The following PGS1 variants were observed in gnomAD, a reference collection of about 807,000 sequenced individuals.
PGS1 encodes phosphatidylglycerophosphate synthase 1, also known as CDP-diacylglycerol--glycerol-3-phosphate 3-phosphatidyltransferase, mitochondrial.
In PGS1, 44 loss-of-function variants were observed where a neutral mutation model predicts 58.3. The ratio of observed to expected loss-of-function variants is 0.75; its 90% CI spans 0.59 to 0.97. The LOEUF (loss-of-function observed/expected upper bound fraction) is 0.97. Ranked by LOEUF, PGS1 falls within the 50% of genes least tolerant of loss-of-function variation. The pLI is 0.00. For synonymous variants in PGS1, 330 were observed against 311.0 expected (o/e 1.06, Z -0.64); for missense variants, 684 against 731.1 (o/e 0.94, Z 0.74).
At chr17:78,422,521 C>T (rs1255191222) in intron 9 of PGS1, among the ~76,000 whole-genome samples, 1 of 151,170 alleles carries the variant, frequency 6.6e-6, no homozygotes, top group African/African-American at 2.5e-5. Context: ...CCTTTTGAGA[C>T]AGGGTCTCAC....
At chr17:78,417,788 G>A (rs1343471556) in intron 8 of PGS1, among the ~76,000 whole-genome samples, 1 of 151,714 alleles carries the variant, frequency 6.6e-6, no homozygotes, top group African/African-American at 2.4e-5. Context: ...GAGGAGAGAG[G>A]GCTAGAGTCG....
At chr17:78,410,233 A>G (rs946438769) in intron 7 of PGS1, among the ~76,000 whole-genome samples, 6 of 152,158 alleles carry the variant, frequency 3.9e-5, no homozygotes, top group Non-Finnish European at 5.9e-5. Flanking sequence ...TTTGAGACCC[A>G]GCCTGGCCAA....
intron 8 of PGS1, among the ~76,000 whole-genome samples, chr17:78,417,669 T>C (rs563594763): frequency 6.6e-6 from 1 of 152,216 alleles, no homozygotes; most frequent in South Asian, 2.1e-4. Flanking sequence ...CCGCTGCTGC[T>C]GTCCTGCGGT....
chr17:78,378,775 G>T lies in PGS1; in HGVS notation c.110G>T (p.Arg37Leu). The T allele has an allele frequency of 6.7e-7, 1 of 1,488,470 alleles. No homozygotes were observed. The highest frequency in any genetic ancestry group is 8.9e-7 in the Non-Finnish European group (1 of 1,126,420). 92.2% of individuals were successfully genotyped at this position (1,488,470 alleles called of 1,614,324 possible). ...GCGCTCCTGGGACGCCTGTCCGACC[G>T]CCTCGGCAGGAACCGGGACCGCCAG... is the stretch of plus-strand genomic sequence containing the variant. ...LAALLGRLSD[R>L]LGRNRDRQRR... is the part of the protein sequence containing the mutation. Residue 37 changes from arginine (R) to leucine (L), a missense_variant, in exon 1 of 10, where the codon CGC becomes CTC. Physicochemically the swap from Arg to Leu is moderately radical, Grantham distance 102. Transcript: ENST00000262764.
chr17:78,424,021 G>A (rs1456580841), intron 9 of PGS1, 40 bp from the exon 10 acceptor site: 1 of 1,614,024 alleles, frequency 6.2e-7, no homozygotes, highest in East Asian at 2.2e-5. Flanking sequence ...TTTGTACACG[G>A]GACACTCATA....
chr17:78,423,855 G>A, intron 9 of PGS1: 1 of 1,604,182 alleles, frequency 6.2e-7, no homozygotes, highest in Non-Finnish European at 8.5e-7. Flanking sequence ...CAGGTGAAGG[G>A]CTGAGTTGTG....
chr17:78,423,956 T>G, intron 9 of PGS1, 105 bp from the exon 10 acceptor site: 1 of 1,613,938 alleles, frequency 6.2e-7, no homozygotes, highest in Non-Finnish European at 8.5e-7. Flanking sequence ...TTCGCTGCCT[T>G]CTCTTTGGTC....
At chr17:78,387,110 TCTC>T (rs921566178) in intron 1 of PGS1, among the ~76,000 whole-genome samples, 1 of 152,186 alleles carries the variant, frequency 6.6e-6, no homozygotes, top group Non-Finnish European at 1.5e-5. Flanking sequence ...TTCAACCAAT[TCTC>T]CTGACTCAGC....
chr17:78,416,611 G>T (rs2085211179), intron 8 of PGS1, among the ~76,000 whole-genome samples: 1 of 152,200 alleles, frequency 6.6e-6, no homozygotes, highest in Non-Finnish European at 1.5e-5. Context: ...GTTAGCAGCT[G>T]CTTTCTCAAA....
intron 9 of PGS1, chr17:78,421,617 C>T (rs2085752437): frequency 6.6e-6 from 1 of 152,274 alleles, no homozygotes; most frequent in South Asian, 2.1e-4. Context: ...GACAATTAGA[C>T]TGGAGGAGCC....
chr17:78,404,150 G>T (rs1271398262), intron 7 of PGS1, 61 bp downstream of exon 7: 10 of 1,450,828 alleles, frequency 6.9e-6, no homozygotes, highest in African/African-American at 1.4e-5. Flanking sequence ...TGGGCAGGGG[G>T]TGGGGAGCCC....
At chr17:78,401,281 C>A (rs2083642356) in intron 6 of PGS1, among the ~76,000 whole-genome samples, 1 of 152,120 alleles carries the variant, frequency 6.6e-6, no homozygotes, top group Non-Finnish European at 1.5e-5. Context: ...GGCGAGTGAC[C>A]CAGAAGCCTG....
At chr17:78,418,276 T>C (rs945971737) in intron 8 of PGS1, among the ~76,000 whole-genome samples, 1 of 146,438 alleles carries the variant, frequency 6.8e-6, no homozygotes, top group Admixed American at 6.6e-5. Context: ...GAAATTAACA[T>C]GTGTTCACTA....
At chr17:78,402,437 C>T (rs2083760991) in intron 6 of PGS1, among the ~76,000 whole-genome samples, 1 of 150,190 alleles carries the variant, frequency 6.7e-6, no homozygotes. Flanking sequence ...TACACACACA[C>T]ACACACATAT....
At chr17:78,387,885 A>G (rs916731996) in intron 1 of PGS1, among the ~76,000 whole-genome samples, 2 of 152,146 alleles carry the variant, frequency 1.3e-5, no homozygotes, top group Admixed American at 6.5e-5. Context: ...GGCACATGCT[A>G]CCGTGCCTGG....
intron 8 of PGS1, among the ~76,000 whole-genome samples, chr17:78,416,039 G>C (rs1284713464): frequency 6.6e-6 from 1 of 152,230 alleles, no homozygotes; most frequent in Non-Finnish European, 1.5e-5. Context: ...CGAGGAAATG[G>C]TCACTGATGT....
At chr17:78,394,116 A>G (rs7219674) in intron 2 of PGS1, among the ~76,000 whole-genome samples, 11,997 of 141,842 alleles carry the variant, frequency 0.085, 750 homozygotes, top group East Asian at 0.32. Context: ...AGGTTGCAGT[A>G]AGCCAAGATC....
intron 4 of PGS1, among the ~76,000 whole-genome samples, chr17:78,398,936 G>C (rs1345959353): frequency 1.3e-5 from 2 of 152,186 alleles, no homozygotes; most frequent in African/African-American, 4.8e-5. Context: ...TGCCCAGCTG[G>C]GAGCTTGGAG....
intron 3 of PGS1, among the ~76,000 whole-genome samples, chr17:78,396,941 A>G (rs1245661115): frequency 6.6e-6 from 1 of 152,220 alleles, no homozygotes; most frequent in African/African-American, 2.4e-5. Context: ...AAAGCTCCAA[A>G]TATTTACTCT....
Sources: gnomAD v4.1 joint callset for allele counts (sites outside exome capture counted in the v4.1 genomes callset) on GRCh38, gnomAD v4.1.1 for gene constraint, MANE v1.5 for transcripts, NCBI Gene and HGNC (gene_info 2026-07-23, HGNC 2026-07-21) for gene names.